FILIP1L: variants seen among roughly 807,000 people sequenced by gnomAD.
The protein encoded by FILIP1L is filamin A interacting protein 1 like.
In FILIP1L, 55 loss-of-function variants were observed where a neutral mutation model predicts 96.6. The ratio of observed to expected loss-of-function variants is 0.57; its 90% CI spans 0.46 to 0.71. FILIP1L has a LOEUF of 0.71. Ranked by LOEUF, FILIP1L falls within the 30% of genes least tolerant of loss-of-function variation. The pLI, the probability that FILIP1L is intolerant of heterozygous loss-of-function variation, is 0.00. For missense variants in FILIP1L, 1,304 were observed against 1,321.2 expected, an observed-to-expected ratio of 0.99 and a Z score of 0.20; for synonymous variants, 467 against 473.9, an observed-to-expected ratio of 0.99 and a Z score of 0.19.
chr3:99,968,241 G>A (rs943562078), intron 1 of FILIP1L, among the ~76,000 whole-genome samples: 2 of 152,124 alleles, frequency 1.3e-5, no homozygotes, highest in African/African-American at 4.8e-5. Flanking sequence ...ATGTTCATAC[G>A]CCCTCAGTGT....
At chr3:100,071,116 G>T (rs1489216452) in intron 1 of FILIP1L, among the ~76,000 whole-genome samples, 14 of 70,030 alleles carry the variant, frequency 2.0e-4, no homozygotes, top group East Asian at 8.1e-4. Context: ...TTTTTTGGAT[G>T]GATTAGCATT....
At chr3:100,095,136 T>C (rs1345469643) in intron 1 of FILIP1L, among the ~76,000 whole-genome samples, 4 of 152,152 alleles carry the variant, frequency 2.6e-5, no homozygotes, top group Non-Finnish European at 5.9e-5. Flanking sequence ...TTGATTACTA[T>C]AGTTAAAAAA....
In FILIP1L at chr3:99,847,005, G is replaced by C. The variant is rs181011813; in HGVS notation, c.3381+1290C>G. Among the ~76,000 whole-genome samples the C allele has an allele frequency of 3.3e-5, 5 of 152,266 alleles. No homozygotes were observed. The East Asian group carries it at 9.6e-4, about 29-fold the overall frequency. On this transcript the variant is annotated intron_variant, in intron 5 of 5. Coordinates refer to ENST00000477258, the MANE Select transcript of FILIP1L (RefSeq NM_001387850.1). ...GCTCAGAAGTATGGATTATCCCCAG[G>C]GACTCCCATGAGGCAGATATCAGAA...
At chr3:99,913,612 G>C (rs532187838) in intron 4 of FILIP1L, among the ~76,000 whole-genome samples, 2 of 152,114 alleles carry the variant, frequency 1.3e-5, no homozygotes, top group Non-Finnish European at 2.9e-5. Flanking sequence ...AATAGAAAAA[G>C]TATTGTATGA....
rs1456683067 is a variant in FILIP1L at position 99,828,859 on chromosome 3, C to T, written c.*1555G>A. 1.3e-5 allele frequency among the ~76,000 whole-genome samples: 2 copies of T among 152,048 alleles called. No individual in the cohort carries two copies. Among genetic ancestry groups the T allele is most frequent in the Non-Finnish European group, 2.9e-5 (2 of 68,030 alleles). ...TTTTAATTCACTTGACCTCCCCCTACTGCCCTCTGCCACTTGCCTGCTGGG... is the reference window on the plus strand; with the variant it reads ...TTTTAATTCACTTGACCTCCCCCTATTGCCCTCTGCCACTTGCCTGCTGGG... On this transcript the variant is annotated 3_prime_UTR_variant, in exon 6 of 6. Transcript: ENST00000477258.
chr3:99,936,445 G>A (rs1486805257), intron 1 of FILIP1L, among the ~76,000 whole-genome samples: 3 of 133,240 alleles, frequency 2.3e-5, no homozygotes, highest in South Asian at 2.5e-4. Context: ...GCACGATCTC[G>A]GCTCACTGCA....
intron 4 of FILIP1L, chr3:99,876,327 G>A (rs569773978): frequency 1.6e-5 from 8 of 492,534 alleles, no homozygotes; most frequent in African/African-American, 1.5e-4. Context: ...AGCTCCCGCG[G>A]ATGTTCCGGC....
chr3:99,942,038 A>G (rs778257307), intron 1 of FILIP1L, among the ~76,000 whole-genome samples: 122 of 152,136 alleles, frequency 8.0e-4, no homozygotes, highest in Admixed American at 3.3e-4. Flanking sequence ...AACACGGTGA[A>G]ACTGTATCTC....
chr3:99,925,067 G>A (rs1707248930), intron 3 of FILIP1L, among the ~76,000 whole-genome samples: 1 of 152,086 alleles, frequency 6.6e-6, no homozygotes, highest in Non-Finnish European at 1.5e-5. Context: ...TGCTGGATTC[G>A]CAGCTGCCCT....
intron 1 of FILIP1L, among the ~76,000 whole-genome samples, chr3:100,109,368 G>A (rs775958401): frequency 2.6e-5 from 4 of 152,024 alleles, no homozygotes; most frequent in Admixed American, 6.6e-5. Flanking sequence ...CTTATATAAC[G>A]TACAATTCTG....
At chr3:100,026,440 G>T (rs1410018012) in intron 1 of FILIP1L, among the ~76,000 whole-genome samples, 1 of 151,940 alleles carries the variant, frequency 6.6e-6, no homozygotes, top group Admixed American at 6.6e-5. Flanking sequence ...GTCTCGATGG[G>T]GCAACTGCTT....
In FILIP1L at chr3:99,955,021, A is replaced by G. The variant is rs192729337; in HGVS notation, c.-10-23991T>C. On this transcript the variant is annotated intron_variant, in intron 1 of 5. Transcript: ENST00000477258. Reference sequence around the variant, plus strand: ...TTTTGCCTCTTACAAAGATTCCATTATATAATGGTAAATGAAAGGGTATCT... The same window carrying G: ...TTTTGCCTCTTACAAAGATTCCATTGTATAATGGTAAATGAAAGGGTATCT... 2.5e-3 allele frequency among the ~76,000 whole-genome samples: 378 copies of G among 152,356 alleles called. 11 individuals carry two copies. Among genetic ancestry groups the G allele is most frequent in the Admixed American group, 0.023 (352 of 15,304 alleles).
At chr3:100,094,201 C>T (rs952896840) in intron 1 of FILIP1L, among the ~76,000 whole-genome samples, 8 of 152,128 alleles carry the variant, frequency 5.3e-5, no homozygotes, top group African/African-American at 9.7e-5. Context: ...GACATCTTTT[C>T]GTCACTTGTC....
At chr3:99,832,413 G>A in intron 5 of FILIP1L, among the ~76,000 whole-genome samples, 1 of 150,084 alleles carries the variant, frequency 6.7e-6, no homozygotes, top group Non-Finnish European at 1.5e-5. Context: ...TGTATTTTTA[G>A]TAGAGACGGG....
intron 1 of FILIP1L, among the ~76,000 whole-genome samples, chr3:100,107,111 A>G (rs1270077334): frequency 6.6e-6 from 1 of 152,122 alleles, no homozygotes; most frequent in East Asian, 1.9e-4. Flanking sequence ...GAAAATCTTT[A>G]TATTCTTCCA....
At chr3:100,014,807 A>ATT (rs201338660) in intron 1 of FILIP1L, among the ~76,000 whole-genome samples, 1,408 of 64,542 alleles carry the variant, frequency 0.022, 30 homozygotes, top group African/African-American at 0.071. Context: ...CATTCTATTG[A>ATT]TTTTTTTTTT....
intron 1 of FILIP1L, among the ~76,000 whole-genome samples, chr3:99,997,366 G>T (rs999026174): frequency 6.6e-6 from 1 of 152,302 alleles, no homozygotes; most frequent in Middle Eastern, 3.4e-3. Flanking sequence ...TAGAGGAAAT[G>T]GCTGTATGCT....
At chr3:99,874,482 CT>C (rs1358162308) in intron 4 of FILIP1L, 4 of 152,234 alleles carry the variant, frequency 2.6e-5, no homozygotes, top group Admixed American at 2.6e-4. Context: ...TTATGGTGGG[CT>C]TCCCTAGGTT....
chr3:99,840,869 A>G (rs1356376953), intron 5 of FILIP1L, among the ~76,000 whole-genome samples: 2 of 152,304 alleles, frequency 1.3e-5, no homozygotes, highest in Non-Finnish European at 2.9e-5. Flanking sequence ...CCTTCCCCCA[A>G]TCTTTTCACT....
Sources: allele counts gnomAD v4.1 joint callset (sites outside exome capture counted in the v4.1 genomes callset), GRCh38; gene constraint gnomAD v4.1.1; transcripts MANE v1.5; gene names NCBI Gene and HGNC (gene_info 2026-07-23, HGNC 2026-07-21).